SETDB1: variants seen among roughly 807,000 people sequenced by gnomAD.
SETDB1 encodes the protein histone-lysine N-methyltransferase SETDB1.
In SETDB1, 31 loss-of-function variants were observed where a neutral mutation model predicts 137.4. The ratio of observed to expected loss-of-function variants is 0.23; its 90% CI spans 0.17 to 0.30. SETDB1 has a LOEUF of 0.30. Among genes scored for constraint, SETDB1 ranks in the 10% least tolerant of loss-of-function variants. SETDB1 has a pLI of 1.00. For missense variants in SETDB1, 1,113 were observed against 1,631.5 expected (o/e 0.68, Z 5.47); for synonymous variants, 548 against 579.9 (o/e 0.95, Z 0.79).
At position 150,961,038 on chromosome 1, in the gene SETDB1, A is replaced by T. The variant is rs138864506; in HGVS notation, c.2979A>T (p.Glu993Asp). ...GGTTGAGCTGCAATAGTGTCAGTGAAGGTGGTTTTGCTGACTCTGATAGCC... is the reference window on the plus strand; with the variant it reads ...GGTTGAGCTGCAATAGTGTCAGTGATGGTGGTTTTGCTGACTCTGATAGCC... ...ASWLSCNSVS[E>D]GGFADSDSHS... The change falls in exon 16 of 22, where the codon GAA (glutamate) becomes GAT (aspartate). Residue 993 changes from glutamate (E) to aspartate (D), a missense_variant. This residue lies in a region of SETDB1 where 373 missense variants were observed against 412.7 expected (regional missense o/e 0.90). Coordinates refer to ENST00000692827, the MANE Select transcript of SETDB1 (RefSeq NM_001366418.1). 881 of 1,448,098 alleles carry T rather than the reference A, an allele frequency of 6.1e-4. 4 individuals are homozygous for T. The highest frequency in any genetic ancestry group is 3.3e-3 in the Middle Eastern group (17 of 5,212). The allele number at this position is 1,448,098 out of a possible 1,614,324, so 89.7% of individuals were successfully genotyped here.
At chr1:150,933,779 C>CTTTTTTTTTTTTTTTTTTT (rs890205371) in intron 3 of SETDB1, among the ~76,000 whole-genome samples, 1 of 20,114 alleles carries the variant, frequency 5.0e-5, no homozygotes, top group African/African-American at 9.0e-5. Context: ...TTTTCTTTTT[C>CTTTTTTTTTTTTTTTTTTT]TTTTTTTTTT....
intron 3 of SETDB1, among the ~76,000 whole-genome samples, chr1:150,934,743 G>A (rs1454718146): frequency 6.6e-6 from 1 of 152,002 alleles, no homozygotes; most frequent in Non-Finnish European, 1.5e-5. Flanking sequence ...TTTCCAGCCA[G>A]ACGGTTTCCT....
intron 5 of SETDB1, among the ~76,000 whole-genome samples, chr1:150,942,305 G>C (rs918638580): frequency 6.6e-6 from 1 of 151,748 alleles, no homozygotes; most frequent in Admixed American, 6.6e-5. Context: ...TGGGTGTAGT[G>C]GTGCCACCTT....
chr1:150,949,554 A>G lies in SETDB1; in HGVS notation c.1583+29A>G, dbSNP rs373680816. 2.2e-5 allele frequency: 36 copies of G among 1,609,224 alleles called. No individual in the cohort carries two copies. The African/African-American group carries it at 4.7e-4, about 21-fold the overall frequency. On this transcript the variant is annotated intron_variant, in intron 12 of 21. Transcript: ENST00000692827. ...AGAAAATCTGAGGCTCTCTGTAGGC[A>G]GGATAGCAATGAGTGGTCACTGTGT...
At position 150,939,978 on chromosome 1, in the gene SETDB1, A is replaced by C; in HGVS notation, c.447+4A>C. ...CAGAACTCCAAAAGACCAGAAGGTAAGTTAGGATGGTAAGGGAAGGGTGAG... is the reference window on the plus strand; with the variant it reads ...CAGAACTCCAAAAGACCAGAAGGTACGTTAGGATGGTAAGGGAAGGGTGAG... On this transcript the variant is annotated splice_donor_region_variant and intron_variant, in intron 4 of 21. Coordinates refer to ENST00000692827, the MANE Select transcript of SETDB1 (RefSeq NM_001366418.1). The C allele has an allele frequency of 6.2e-7, 1 of 1,611,720 alleles. No homozygotes were observed. The highest frequency in any genetic ancestry group is 8.5e-7 in the Non-Finnish European group (1 of 1,178,018).
rs182707021 is a variant in SETDB1 at position 150,939,308 on chromosome 1, G to A, written c.413-632G>A. On this transcript the variant is annotated intron_variant, in intron 3 of 21. Coordinates refer to ENST00000692827, the MANE Select transcript of SETDB1 (RefSeq NM_001366418.1). The stretch of plus-strand genomic sequence containing the variant: ...GGGTTTTGCTGTGTTGTTCAGGCTT[G>A]AACTATACATTTTTATTTTTTATTA... Among the ~76,000 whole-genome samples the A allele has an allele frequency of 6.9e-4, 86 of 124,554 alleles. 1 individual carries two copies. In the East Asian group the frequency reaches 0.017, roughly 24 times the overall value. 81.7% of individuals were successfully genotyped at this position (124,554 alleles called of 152,430 possible). A position where few individuals can be genotyped will look rare whatever the true frequency, so the allele number is the denominator to read the frequency against.
chr1:150,960,840 T>TACCCGGAGGCAG lies in SETDB1; in HGVS notation c.2788_2799dup (p.Arg930_Arg933dup). On this transcript the variant is annotated inframe_insertion, in exon 16 of 22. Transcript: ENST00000692827. ...CCAGTTCAGTGTGGCGGAGCTATGC[T>TACCCGGAGGCAG]ACCCGGAGGCAGACCCGGGGCCAGA... 6.2e-7 allele frequency: 1 copy of TACCCGGAGGCAG among 1,604,590 alleles called. No individual in the cohort carries two copies. Among genetic ancestry groups the TACCCGGAGGCAG allele is most frequent in the Non-Finnish European group, 8.5e-7 (1 of 1,175,420 alleles).
At chr1:150,961,369 T>C in intron 16 of SETDB1, 178 bp downstream of exon 16, 2 of 664,128 alleles carry the variant, frequency 3.0e-6, no homozygotes, top group East Asian at 2.9e-5. Context: ...AACCAAATTA[T>C]TGACCGGGCA....
At chr1:150,951,272 G>A in intron 13 of SETDB1, 93 bp from the exon 14 acceptor site, 1 of 1,136,268 alleles carries the variant, frequency 8.8e-7, no homozygotes, top group Non-Finnish European at 1.3e-6. Flanking sequence ...AGTCTGACAT[G>A]GCCACACTGA....
At chr1:150,931,142 C>G (rs972484779) in intron 3 of SETDB1, among the ~76,000 whole-genome samples, 1 of 151,666 alleles carries the variant, frequency 6.6e-6, no homozygotes, top group African/African-American at 2.4e-5. Flanking sequence ...CCCCAGTAAT[C>G]CCAGCTACTT....
intron 4 of SETDB1, among the ~76,000 whole-genome samples, chr1:150,940,453 A>C (rs1406689301): frequency 6.6e-6 from 1 of 151,832 alleles, no homozygotes; most frequent in Non-Finnish European, 1.5e-5. Context: ...CTGTAATCCC[A>C]GCTGCTTGGG....
chr1:150,927,650 T>C, intron 1 of SETDB1, 54 bp from the exon 2 acceptor site: 1 of 1,503,850 alleles, frequency 6.6e-7, no homozygotes, highest in South Asian at 1.2e-5. Context: ...AATTCTCTAT[T>C]GATTGATTGT....
chr1:150,948,688 A>G (rs1224818242), intron 10 of SETDB1, among the ~76,000 whole-genome samples: 1 of 151,958 alleles, frequency 6.6e-6, no homozygotes, highest in Non-Finnish European at 1.5e-5. Context: ...AATAATGGGA[A>G]CTGAGAGTCT....
chr1:150,938,219 CA>C (rs35172878), intron 3 of SETDB1, among the ~76,000 whole-genome samples: 12 of 141,536 alleles, frequency 8.5e-5, no homozygotes, highest in Non-Finnish European at 9.2e-5. Context: ...GATTCCATCT[CA>C]AAAAAAAAAA....
Position 150,963,578 on chromosome 1 carries a change from T to G in SETDB1, c.3509T>G (p.Leu1170Arg). 6.2e-7 allele frequency: 1 copy of G among 1,614,142 alleles called. No homozygotes were observed. The highest frequency in any genetic ancestry group is 2.2e-5 in the East Asian group (1 of 44,884). The change falls in exon 20 of 22, where the codon CTT becomes CGT. Residue 1170 changes from leucine (L) to arginine (R), a missense_variant. Coordinates refer to ENST00000692827, the MANE Select transcript of SETDB1 (RefSeq NM_001366418.1). The stretch of plus-strand genomic sequence containing the variant: ...GTAAAATCAACCCGAGGCTTTGCTC[T>G]TAAATCAACCCATGGGATTGCAATT... ...VAVKSTRGFA[L>R]KSTHGIAIKS...
At chr1:150,940,522 C>G (rs1354611723) in intron 4 of SETDB1, among the ~76,000 whole-genome samples, 2 of 148,436 alleles carry the variant, frequency 1.3e-5, no homozygotes, top group Non-Finnish European at 3.0e-5. Context: ...GAGCTGAGAT[C>G]GCACCACCGC....
At chr1:150,944,071 G>A (rs1670247988) in intron 8 of SETDB1, 78 bp downstream of exon 8, 1 of 1,008,518 alleles carries the variant, frequency 9.9e-7, no homozygotes, top group Non-Finnish European at 1.6e-6. Flanking sequence ...CAGTTGAAAA[G>A]CCCTAGTGTT....
Position 150,962,957 on chromosome 1 carries a change from C to T in SETDB1, c.3295-17C>T, listed in dbSNP as rs754070894. Reference sequence around the variant, plus strand: ...TCCCATTTACTTCTCTTACTTCTTACCCTCCTGCTTCCCCAGGATGTCCTG... The same window carrying T: ...TCCCATTTACTTCTCTTACTTCTTATCCTCCTGCTTCCCCAGGATGTCCTG... On this transcript the variant is annotated splice_polypyrimidine_tract_variant and intron_variant, in intron 18 of 21. Coordinates refer to ENST00000692827, the MANE Select transcript of SETDB1 (RefSeq NM_001366418.1). The T allele has an allele frequency of 6.2e-7, 1 of 1,611,352 alleles. No homozygotes were observed. Among genetic ancestry groups the T allele is most frequent in the Admixed American group, 1.7e-5 (1 of 59,810 alleles).
At position 150,960,902 on chromosome 1, in the gene SETDB1, C is replaced by T. The variant is rs779790467; in HGVS notation, c.2843C>T (p.Ser948Phe). ...NGLSETTSKD[S>F]HPPDLGPPHI... ...CTCTCTGAGACAACTTCCAAGGACT[C>T]CCACCCCCCAGATCTTGGACCCCCA... Residue 948 changes from serine (S) to phenylalanine (F), a missense_variant, in exon 16 of 22, where the codon TCC becomes TTC. By Grantham distance (155) the Ser-to-Phe change is radical. Transcript: ENST00000692827. 6.2e-7 allele frequency: 1 copy of T among 1,612,772 alleles called. No individual in the cohort carries two copies. Among genetic ancestry groups the T allele is most frequent in the Non-Finnish European group, 8.5e-7 (1 of 1,179,276 alleles).
Sources: allele counts gnomAD v4.1 joint callset (sites outside exome capture counted in the v4.1 genomes callset), GRCh38; gene constraint gnomAD v4.1.1; regional missense constraint gnomAD v4.1.1; transcripts MANE v1.5; gene names NCBI Gene and HGNC (gene_info 2026-07-23, HGNC 2026-07-21).